The following SLCO2A1 variants were observed in gnomAD, a reference collection of about 807,000 sequenced individuals.
SLCO2A1 encodes matrin F/G 1.
SLCO2A1 carries 60 observed loss-of-function variants against 71.7 expected under a neutral mutation model. That is an observed-to-expected ratio of 0.84 (90% CI 0.68 to 1.04). SLCO2A1 has a LOEUF of 1.04. SLCO2A1 is among the 50% of genes least tolerant of loss of function. The pLI, the probability that SLCO2A1 is intolerant of heterozygous loss-of-function variation, is 0.00. For missense variants in SLCO2A1, 745 were observed against 813.4 expected, an observed-to-expected ratio of 0.92 and a Z score of 1.02; for synonymous variants, 308 against 326.7, an observed-to-expected ratio of 0.94 and a Z score of 0.62.
chr3:134,000,496 C>G (rs1248329738), intron 1 of SLCO2A1, among the ~76,000 whole-genome samples: 1 of 152,116 alleles, frequency 6.6e-6, no homozygotes, highest in African/African-American at 2.4e-5. Flanking sequence ...ATTGTGACAA[C>G]TTGAGTCACA....
In SLCO2A1 at chr3:133,955,144, G is replaced by C. The variant is rs778301580; in HGVS notation, c.447C>G (p.Asp149Glu). 1 of 1,614,098 alleles carries C rather than the reference G, an allele frequency of 6.2e-7. No individual in the cohort carries two copies. Among genetic ancestry groups the C allele is most frequent in the Non-Finnish European group, 8.5e-7 (1 of 1,180,004 alleles). Residue 149 changes from aspartate (D) to glutamate (E), a missense_variant, in exon 4 of 14, where the codon GAC becomes GAG. Physicochemically the swap from Asp to Glu is conservative, Grantham distance 45 (BLOSUM62 2). Transcript: ENST00000310926. ...TGCTGTGGCACTTACTGGGAGGCAGGTCCTGCCAATGCTTCTGGCAGAGCT... is the reference window on the plus strand; with the variant it reads ...TGCTGTGGCACTTACTGGGAGGCAGCTCCTGCCAATGCTTCTGGCAGAGCT... ...QAELCQKHWQDLPPSKCHSTT... is the reference protein window; with the variant it reads ...QAELCQKHWQELPPSKCHSTT...
At chr3:134,025,226 A>G (rs527861663) in intron 1 of SLCO2A1, among the ~76,000 whole-genome samples, 1 of 152,294 alleles carries the variant, frequency 6.6e-6, no homozygotes, top group Admixed American at 6.5e-5. Flanking sequence ...CTGAGGTAGG[A>G]CAAAAGGTTG....
At chr3:133,982,506 T>C (rs562612697) in intron 1 of SLCO2A1, among the ~76,000 whole-genome samples, 2 of 152,290 alleles carry the variant, frequency 1.3e-5, no homozygotes, top group African/African-American at 4.8e-5. Context: ...ACTTCCCAAA[T>C]AGGACTCATC....
At chr3:134,029,337 A>T (rs6787185) in intron 1 of SLCO2A1, among the ~76,000 whole-genome samples, 80,088 of 152,050 alleles carry the variant, frequency 0.53, 22,589 homozygotes, top group South Asian at 0.68. Context: ...CTGGAGGCCG[A>T]AAAAGCGTTC....
intron 3 of SLCO2A1, among the ~76,000 whole-genome samples, chr3:133,968,104 C>CA (rs1176102503): frequency 6.8e-6 from 1 of 146,382 alleles, no homozygotes; most frequent in Admixed American, 6.8e-5. Context: ...ACCCTCACCC[C>CA]ACAACTCCAC....
Position 134,008,172 on chromosome 3 carries a change from A to T in SLCO2A1, c.96+21535T>A, listed in dbSNP as rs184332148. On this transcript the variant is annotated intron_variant, in intron 1 of 13. Coordinates refer to ENST00000310926, the MANE Select transcript of SLCO2A1 (RefSeq NM_005630.3). ...GTTAAAATTCAGTCCATGACCCCAG[A>T]TGCATTAAATATAATCCAGTAATGT... Among the ~76,000 whole-genome samples the T allele has an allele frequency of 1.6e-3, 237 of 152,342 alleles. 3 individuals carry two copies. The highest frequency in any genetic ancestry group is 5.5e-3 in the African/African-American group (227 of 41,570).
intron 3 of SLCO2A1, among the ~76,000 whole-genome samples, chr3:133,958,378 G>A (rs956836400): frequency 6.6e-6 from 1 of 152,210 alleles, no homozygotes; most frequent in African/African-American, 2.4e-5. Context: ...TGGGCAGAGT[G>A]TTAGGCTCAC....
At chr3:133,966,685 G>A (rs1934184757) in intron 3 of SLCO2A1, among the ~76,000 whole-genome samples, 2 of 152,204 alleles carry the variant, frequency 1.3e-5, no homozygotes, top group Admixed American at 6.5e-5. Flanking sequence ...TTTTGTTCCT[G>A]AAAGAAAGAA....
intron 1 of SLCO2A1, among the ~76,000 whole-genome samples, chr3:134,027,105 G>C (rs867693578): frequency 5.9e-5 from 9 of 152,152 alleles, no homozygotes; most frequent in African/African-American, 2.2e-4. Flanking sequence ...CTATCGATCT[G>C]TCTTGCAAGA....
At chr3:133,957,361 G>C (rs1933923678) in intron 3 of SLCO2A1, among the ~76,000 whole-genome samples, 1 of 152,120 alleles carries the variant, frequency 6.6e-6, no homozygotes, top group African/African-American at 2.4e-5. Flanking sequence ...CCCATGTACT[G>C]ACAGGGCCAG....
intron 1 of SLCO2A1, among the ~76,000 whole-genome samples, chr3:134,024,471 C>T (rs1935657456): frequency 6.6e-6 from 1 of 152,180 alleles, no homozygotes; most frequent in South Asian, 2.1e-4. Context: ...AAAAGAAAAA[C>T]TCATGTTGGC....
chr3:133,955,237 G>A (rs868108555), intron 3 of SLCO2A1, 44 bp from the exon 4 acceptor site: 3 of 1,543,318 alleles, frequency 1.9e-6, no homozygotes, highest in South Asian at 1.2e-5. Flanking sequence ...CTGGTCTCCT[G>A]GTTCCACCGG....
chr3:133,941,489 G>C (rs1268776477), intron 11 of SLCO2A1, among the ~76,000 whole-genome samples: 2 of 151,982 alleles, frequency 1.3e-5, no homozygotes, highest in African/African-American at 4.8e-5. Context: ...CTGGCACCGG[G>C]AGTCCAAATC....
chr3:133,954,893 G>T, intron 4 of SLCO2A1, 73 bp downstream of exon 4: 1 of 1,234,028 alleles, frequency 8.1e-7, no homozygotes, highest in Non-Finnish European at 1.2e-6. Context: ...TCAGTTTAGT[G>T]CCCCAGGGCC....
At chr3:133,968,032 A>C (rs1576439121) in intron 3 of SLCO2A1, among the ~76,000 whole-genome samples, 4 of 84,694 alleles carry the variant, frequency 4.7e-5, no homozygotes, top group African/African-American at 9.6e-5. Context: ...ACCCCACCCC[A>C]CCTCCACACA....
chr3:133,990,848 T>A (rs1934823964), intron 1 of SLCO2A1, among the ~76,000 whole-genome samples: 5 of 152,054 alleles, frequency 3.3e-5, no homozygotes. Context: ...AGTGGCTCAC[T>A]GCTGTAATCC....
At chr3:133,948,410 G>A in intron 8 of SLCO2A1, 126 bp downstream of exon 8, 1 of 920,312 alleles carries the variant, frequency 1.1e-6, no homozygotes, top group Non-Finnish European at 1.6e-6. Flanking sequence ...CTTTCTCCTG[G>A]GCAGTCCTCC....
chr3:133,999,955 G>T (rs1468515580), intron 1 of SLCO2A1, among the ~76,000 whole-genome samples: 1 of 152,170 alleles, frequency 6.6e-6, no homozygotes, highest in African/African-American at 2.4e-5. Context: ...TCTGTAACAG[G>T]CTAGAGGCAC....
chr3:134,020,423 C>G (rs1008244883), intron 1 of SLCO2A1, among the ~76,000 whole-genome samples: 1 of 152,246 alleles, frequency 6.6e-6, no homozygotes, highest in African/African-American at 2.4e-5. Flanking sequence ...TGTGCAACAT[C>G]TCGGCGGGGG....
Sources: allele counts gnomAD v4.1 joint callset (sites outside exome capture counted in the v4.1 genomes callset), GRCh38; gene constraint gnomAD v4.1.1; transcripts MANE v1.5; gene names NCBI Gene and HGNC (gene_info 2026-07-23, HGNC 2026-07-21).